The following SMARCAD1 variants were observed in gnomAD, a reference collection of about 807,000 sequenced individuals.
SMARCAD1 encodes the protein SWI/SNF-related matrix-associated actin-dependent regulator of chromatin subfamily A containing DEAD/H box 1.
A neutral mutation model predicts 127.1 loss-of-function variants in SMARCAD1; 25 were observed. That is an observed-to-expected ratio of 0.20 (90% CI 0.14 to 0.27). SMARCAD1 has a LOEUF of 0.27. SMARCAD1 is among the 10% of genes least tolerant of loss of function. SMARCAD1 has a pLI of 1.00. For synonymous variants in SMARCAD1, 400 were observed against 396.9 expected (o/e 1.01, Z -0.09); for missense variants, 807 against 1,206.0 (o/e 0.67, Z 4.90).
chr4:94,283,492 A>G (rs1267686231), intron 22 of SMARCAD1, among the ~76,000 whole-genome samples, 189 bp downstream of exon 22: 1 of 152,164 alleles, frequency 6.6e-6, no homozygotes, highest in East Asian at 1.9e-4. Context: ...TCTAGTAATT[A>G]TCCACCCACA....
chr4:94,225,814 T>C (rs1358955731), intron 2 of SMARCAD1, among the ~76,000 whole-genome samples: 1 of 152,210 alleles, frequency 6.6e-6, no homozygotes, highest in Non-Finnish European at 1.5e-5. Flanking sequence ...GTGTTCATGC[T>C]GTCTCAAGTA....
Position 94,250,742 on chromosome 4 carries a change from T to G in SMARCAD1, c.808-10T>G, listed in dbSNP as rs1320549528. The G allele has an allele frequency of 6.3e-7, 1 of 1,575,674 alleles. No individual in the cohort carries two copies. Among genetic ancestry groups the G allele is most frequent in the East Asian group, 2.2e-5 (1 of 44,468 alleles). ...GATTTTTAACAAAAAGATAAATGAC[T>G]TATTTCTAGGAACTTAGAGAAGTAC... On this transcript the variant is annotated splice_polypyrimidine_tract_variant and intron_variant, in intron 7 of 23. Coordinates refer to ENST00000354268, the MANE Select transcript of SMARCAD1 (RefSeq NM_020159.5).
intron 2 of SMARCAD1, among the ~76,000 whole-genome samples, chr4:94,219,944 TAGC>T (rs1743835817): frequency 2.0e-5 from 3 of 152,228 alleles, no homozygotes; most frequent in Admixed American, 2.0e-4. Context: ...AATTGAATAG[TAGC>T]AGATGTCTTT....
At position 94,253,498 on chromosome 4, in the gene SMARCAD1, A is replaced by G. The variant is rs573501577; in HGVS notation, c.1281+491A>G. The G allele has an allele frequency of 4.8e-5, 54 of 1,124,382 alleles. No homozygotes were observed. In the East Asian group the frequency reaches 3.4e-3, roughly 71 times the overall value. The allele number at this position is 1,124,382 out of a possible 1,614,324, so 69.7% of individuals were successfully genotyped here. A position where few individuals can be genotyped will look rare whatever the true frequency, so the allele number is the denominator to read the frequency against. On this transcript the variant is annotated intron_variant, in intron 9 of 23. Transcript: ENST00000354268. ...TTCACCACAAAAGAAGCAATTGTTT[A>G]TTTTCTTTTTTTCTTCTAAAAGTAA... is the stretch of plus-strand genomic sequence containing the variant.
intron 16 of SMARCAD1, 129 bp downstream of exon 16, chr4:94,277,288 C>A: frequency 9.3e-7 from 1 of 1,080,022 alleles, no homozygotes; most frequent in Non-Finnish European, 1.4e-6. Flanking sequence ...TAGGTGATAA[C>A]TCTATATTTG....
chr4:94,234,225 T>G, intron 4 of SMARCAD1, 103 bp downstream of exon 4: 1 of 1,020,480 alleles, frequency 9.8e-7, no homozygotes, highest in Non-Finnish European at 1.5e-6. Context: ...ATATCTTACG[T>G]TTGAAGATAT....
intron 19 of SMARCAD1, 132 bp downstream of exon 19, chr4:94,279,182 C>A: frequency 8.5e-7 from 1 of 1,177,176 alleles, no homozygotes; most frequent in Non-Finnish European, 1.2e-6. Flanking sequence ...TTTTTCAGAC[C>A]AGGTCTGGTT....
In SMARCAD1 at chr4:94,290,159, A is replaced by T. The variant is rs1755504899; in HGVS notation, c.*625A>T. On this transcript the variant is annotated 3_prime_UTR_variant, in exon 24 of 24. Transcript: ENST00000354268. Reference sequence around the variant, plus strand: ...CTGAAACAAATTTATTTGGCTAGGCACTAAGTTGTTTTCCAGTGAATAGTA... The same window carrying T: ...CTGAAACAAATTTATTTGGCTAGGCTCTAAGTTGTTTTCCAGTGAATAGTA... 1 of 454,406 alleles carries T rather than the reference A, an allele frequency of 2.2e-6. No homozygotes were observed. The highest frequency in any genetic ancestry group is 4.4e-6 in the Non-Finnish European group (1 of 226,778). The allele number at this position is 454,406 out of a possible 1,614,324, so 28.1% of individuals were successfully genotyped here. A position where few individuals can be genotyped will look rare whatever the true frequency, so the allele number is the denominator to read the frequency against.
intron 2 of SMARCAD1, among the ~76,000 whole-genome samples, chr4:94,217,082 C>A (rs1234392843): frequency 6.6e-6 from 1 of 152,168 alleles, no homozygotes; most frequent in East Asian, 1.9e-4. Context: ...CACATCCTCT[C>A]CAACCTTGTT....
intron 2 of SMARCAD1, among the ~76,000 whole-genome samples, chr4:94,221,971 A>G (rs3113862): frequency 0.4 from 60,550 of 152,082 alleles, 12,728 homozygotes; most frequent in East Asian, 0.71. Context: ...GGGAGTCACT[A>G]GGAGACATAT....
Position 94,267,248 on chromosome 4 carries a change from C to T in SMARCAD1, c.1481+2342C>T, listed in dbSNP as rs141898407. On this transcript the variant is annotated intron_variant, in intron 10 of 23. Transcript: ENST00000354268. ...TGAGACCCTTTGTCAGTGATGTGAA[C>T]GCAAATTAACACTGCAGATGTGGTT... is the stretch of plus-strand genomic sequence containing the variant. 7.1e-3 allele frequency among the ~76,000 whole-genome samples: 1,077 copies of T among 152,188 alleles called. 7 individuals are homozygous for T. Among genetic ancestry groups the T allele is most frequent in the Middle Eastern group, 0.054 (16 of 294 alleles).
chr4:94,252,386 G>A (rs1452547627), intron 8 of SMARCAD1, among the ~76,000 whole-genome samples: 1 of 152,140 alleles, frequency 6.6e-6, no homozygotes, highest in Non-Finnish European at 1.5e-5. Context: ...AGAAAACAGA[G>A]ATTTATATTT....
chr4:94,213,005 C>T, intron 2 of SMARCAD1: 3 of 1,109,098 alleles, frequency 2.7e-6, no homozygotes, highest in Non-Finnish European at 2.4e-6. Flanking sequence ...CATTATTTCT[C>T]CTTTTTTTCT....
In SMARCAD1 at chr4:94,270,782, T is replaced by C. The variant is rs746186398; in HGVS notation, c.1536T>C (p.His512=). 1.9e-5 allele frequency: 31 copies of C among 1,613,502 alleles called. No homozygotes were observed. The highest frequency in any genetic ancestry group is 5.0e-5 in the Admixed American group (3 of 60,006). ...GTTTGAATTGGCTGGCATTGGTACA[T>C]AAACATGGACTTAATGGCATTTTGG... ...KVGLNWLALV[H]KHGLNGILAD... Residue 512 remains histidine (H), a synonymous_variant, in exon 11 of 24, where the codon CAT becomes CAC. Transcript: ENST00000354268.
At chr4:94,231,581 T>C (rs1438492926) in intron 3 of SMARCAD1, among the ~76,000 whole-genome samples, 6 of 152,214 alleles carry the variant, frequency 3.9e-5, no homozygotes, top group Admixed American at 6.5e-5. Flanking sequence ...TCACCTATTA[T>C]TATTTTTAGC....
intron 2 of SMARCAD1, chr4:94,213,269 CAG>C: frequency 2.5e-6 from 1 of 406,800 alleles, no homozygotes; most frequent in South Asian, 2.4e-5. Context: ...ATCCATTCTT[CAG>C]GGGAGGATCA....
chr4:94,246,408 C>T (rs2125900859), intron 6 of SMARCAD1, among the ~76,000 whole-genome samples: 1 of 152,140 alleles, frequency 6.6e-6, no homozygotes, highest in East Asian at 1.9e-4. Context: ...CGTGAGCCAG[C>T]GTGCCCAGCC....
chr4:94,234,240 T>G, intron 4 of SMARCAD1, 118 bp downstream of exon 4: 1 of 923,134 alleles, frequency 1.1e-6, no homozygotes, highest in Non-Finnish European at 1.6e-6. Flanking sequence ...AGATATTAAC[T>G]ATTAAATCTA....
At chr4:94,257,341 A>G (rs1385021700) in intron 9 of SMARCAD1, among the ~76,000 whole-genome samples, 1 of 152,186 alleles carries the variant, frequency 6.6e-6, no homozygotes, top group African/African-American at 2.4e-5. Flanking sequence ...AGCATCATCT[A>G]TTTATGTATA....
Sources: gnomAD v4.1 joint callset for allele counts (sites outside exome capture counted in the v4.1 genomes callset) on GRCh38, gnomAD v4.1.1 for gene constraint, MANE v1.5 for transcripts, NCBI Gene and HGNC (gene_info 2026-07-23, HGNC 2026-07-21) for gene names.